The following PPP4R2 variants were observed in gnomAD, a reference collection of about 807,000 sequenced individuals.
The protein encoded by PPP4R2 is serine/threonine-protein phosphatase 4 regulatory subunit 2.
A neutral mutation model predicts 47.2 loss-of-function variants in PPP4R2; 13 were observed. The observed-to-expected ratio is 0.28, with a 90% CI of 0.18 to 0.44. The LOEUF is 0.44. PPP4R2 is among the 20% of genes least tolerant of loss of function. The pLI is 1.00. For synonymous variants in PPP4R2, 151 were observed against 163.3 expected, an observed-to-expected ratio of 0.92 and a Z score of 0.57; for missense variants, 421 against 491.2, an observed-to-expected ratio of 0.86 and a Z score of 1.35.
intron 3 of PPP4R2, 40 bp from the exon 4 acceptor site, chr3:73,058,997 T>C (rs749545504): frequency 9.0e-5 from 107 of 1,187,218 alleles, no homozygotes; most frequent in Non-Finnish European, 1.2e-4. Flanking sequence ...TTTTCTTGAT[T>C]ATCAGTGATC....
intron 2 of PPP4R2, among the ~76,000 whole-genome samples, chr3:73,018,452 T>TGTTATTTATG: frequency 3.1e-5 from 3 of 96,506 alleles, no homozygotes; most frequent in Non-Finnish European, 6.9e-5. Flanking sequence ...TGTTATGTTA[T>TGTTATTTATG]TTATGTTATG....
intron 2 of PPP4R2, among the ~76,000 whole-genome samples, chr3:73,002,651 T>C (rs1468971587): frequency 1.6e-5 from 2 of 121,916 alleles, no homozygotes; most frequent in African/African-American, 6.4e-5. Flanking sequence ...TTTTTTTTTT[T>C]TTTTTTTTGA....
chr3:73,065,225 G>T, intron 8 of PPP4R2, 84 bp downstream of exon 8: 1 of 1,384,842 alleles, frequency 7.2e-7, no homozygotes, highest in Non-Finnish European at 9.7e-7. Flanking sequence ...AGAATTTTAC[G>T]TAATGGAACT....
At chr3:73,032,955 T>C (rs1375572949) in intron 2 of PPP4R2, among the ~76,000 whole-genome samples, 1 of 152,226 alleles carries the variant, frequency 6.6e-6, no homozygotes, top group Admixed American at 6.5e-5. Flanking sequence ...TGCTCCATTC[T>C]GGACTGGTTG....
chr3:73,052,750 A>G (rs1702644338), intron 3 of PPP4R2, among the ~76,000 whole-genome samples: 1 of 152,220 alleles, frequency 6.6e-6, no homozygotes, highest in Non-Finnish European at 1.5e-5. Context: ...AGTCCTCTCT[A>G]AAGTAGGCAG....
At chr3:73,040,991 G>C (rs1702366822) in intron 2 of PPP4R2, among the ~76,000 whole-genome samples, 1 of 147,218 alleles carries the variant, frequency 6.8e-6, no homozygotes, top group Non-Finnish European at 1.5e-5. Flanking sequence ...CTTTAGTGAT[G>C]ATGGTTGACT....
At position 73,065,680 on chromosome 3, in the gene PPP4R2, C is replaced by T. The variant is rs765087752; in HGVS notation, c.1212C>T (p.Asp404=). Residue 404 remains aspartate (D), a synonymous_variant, in exon 9 of 9, where the codon GAC becomes GAT. Coordinates refer to ENST00000356692, the MANE Select transcript of PPP4R2 (RefSeq NM_174907.4). ...ILSESSMEND[D]EATEVTDEPM... ...CAGAATCATCCATGGAAAATGATGA[C>T]GAAGCCACAGAAGTCACCGATGAAC... is the stretch of plus-strand genomic sequence containing the variant. 8 of 1,609,288 alleles carry T rather than the reference C, an allele frequency of 5.0e-6. No individual in the cohort carries two copies. In the Admixed American group the frequency reaches 6.7e-5, roughly 13 times the overall value.
intron 5 of PPP4R2, chr3:73,062,419 C>T: frequency 5.0e-6 from 8 of 1,611,252 alleles, no homozygotes; most frequent in Non-Finnish European, 6.8e-6. Flanking sequence ...ATGCTAGACC[C>T]AGCACATAAA....
intron 2 of PPP4R2, among the ~76,000 whole-genome samples, chr3:73,031,393 A>T (rs894794700): frequency 2.0e-5 from 3 of 151,998 alleles, no homozygotes; most frequent in Non-Finnish European, 4.4e-5. Flanking sequence ...TACAAAAAGA[A>T]TTAGCTGGAC....
At chr3:73,007,936 T>C (rs1701646343) in intron 2 of PPP4R2, among the ~76,000 whole-genome samples, 2 of 151,818 alleles carry the variant, frequency 1.3e-5, no homozygotes, top group African/African-American at 2.4e-5. Context: ...CAATTACTTC[T>C]TTAATGCTTT....
chr3:73,063,622 C>T (rs757327488), intron 5 of PPP4R2, 51 bp from the exon 6 acceptor site: 2 of 1,065,542 alleles, frequency 1.9e-6, no homozygotes, highest in South Asian at 2.6e-5. Flanking sequence ...GAGCCAGACT[C>T]CATCTAAAAA....
rs544424405 is a variant in PPP4R2, at chr3:73,007,646, G to A, written c.116+9488G>A. On this transcript the variant is annotated intron_variant, in intron 2 of 8. Coordinates refer to ENST00000356692, the MANE Select transcript of PPP4R2 (RefSeq NM_174907.4). ...TGGAACTACAGGTGCGCACCACCAC[G>A]CCCAGTTAATTTTTGTATTTTTAGT... Among the ~76,000 whole-genome samples, 8 of 151,870 alleles carry A rather than the reference G, an allele frequency of 5.3e-5. No individual in the cohort carries two copies. The East Asian group carries it at 1.4e-3, about 26-fold the overall frequency.
chr3:73,027,724 A>G (rs1028915331), intron 2 of PPP4R2: 2 of 151,578 alleles, frequency 1.3e-5, no homozygotes, highest in Admixed American at 6.6e-5. Flanking sequence ...ACAGTAGATA[A>G]ATAAATTATA....
chr3:72,998,095 A>T lies in PPP4R2; in HGVS notation c.53A>T (p.Lys18Ile). ...CATCTAGATTTTGAGAAGAGGGGGA[A>T]AAAGGAAGTTTGTCCTGTCCTGGAT... Reference protein sequence around the residue: ...EALKDFEKRGKKEVCPVLDQF... With the variant: ...EALKDFEKRGIKEVCPVLDQF... Residue 18 changes from lysine (K) to isoleucine (I), a missense_variant, in exon 2 of 9, where the codon AAA becomes ATA. This residue lies in a region of PPP4R2 where 104 missense variants were observed against 203.7 expected (regional missense o/e 0.51). Transcript: ENST00000356692. 1 of 1,604,976 alleles carries T rather than the reference A, an allele frequency of 6.2e-7. No homozygotes were observed. The highest frequency in any genetic ancestry group is 8.5e-7 in the Non-Finnish European group (1 of 1,177,242).
rs2107188782 is a variant in PPP4R2 at position 72,998,155 on chromosome 3, C to T, written c.113C>T (p.Thr38Ile). ...TGTCATGTAGCCAAGACTGGAGAAA[C>T]AATGTGAGTTGAAAACATGCATTTG... Reference protein sequence around the residue: ...FLCHVAKTGETMIQWSQFKGY... With the variant: ...FLCHVAKTGEIMIQWSQFKGY... The change falls in exon 2 of 9, where the codon ACA becomes ATA. Residue 38 changes from threonine (T) to isoleucine (I), a missense_variant. Around this residue, in one of 2 missense-constraint regions of PPP4R2, gnomAD observed 104 missense variants for 203.7 expected, o/e 0.51. Transcript: ENST00000356692. 2 of 1,596,300 alleles carry T rather than the reference C, an allele frequency of 1.3e-6. No homozygotes were observed. The highest frequency in any genetic ancestry group is 2.3e-5 in the East Asian group (1 of 44,394).
In PPP4R2 at chr3:73,065,825, G is replaced by A. The variant is rs2107351697; in HGVS notation, c.*103G>A. ...ATGGACCTTTAGTTTTACAAGAGAA[G>A]CAGGTTGTAAAATAAAGTACTTTAT... On this transcript the variant is annotated 3_prime_UTR_variant, in exon 9 of 9. Transcript: ENST00000356692. 2 of 750,654 alleles carry A rather than the reference G, an allele frequency of 2.7e-6. No individual in the cohort carries two copies. The highest frequency in any genetic ancestry group is 3.1e-5 in the Admixed American group (1 of 32,286). 46.5% of individuals were successfully genotyped at this position (750,654 alleles called of 1,614,324 possible).
intron 2 of PPP4R2, among the ~76,000 whole-genome samples, chr3:73,013,642 T>TA (rs1201101982): frequency 1.8e-5 from 2 of 113,452 alleles, no homozygotes; most frequent in Non-Finnish European, 3.6e-5. Flanking sequence ...CCTTTTTTCT[T>TA]TTTCTTTTTT....
intron 2 of PPP4R2, among the ~76,000 whole-genome samples, chr3:73,026,082 A>AC (rs1702057937): frequency 1.3e-5 from 2 of 152,212 alleles, no homozygotes. Context: ...ATGCTACAAT[A>AC]TAAGTATGTT....
At chr3:73,016,729 G>GTTTCT (rs752008242) in intron 2 of PPP4R2, among the ~76,000 whole-genome samples, 4,063 of 69,468 alleles carry the variant, frequency 0.058, 759 homozygotes, top group East Asian at 0.17. Context: ...TTGGTTCATT[G>GTTTCT]TTTATTTTTA....
Sources: allele counts gnomAD v4.1 joint callset (sites outside exome capture counted in the v4.1 genomes callset), GRCh38; gene constraint gnomAD v4.1.1; regional missense constraint gnomAD v4.1.1; transcripts MANE v1.5; gene names NCBI Gene and HGNC (gene_info 2026-07-23, HGNC 2026-07-21).